Variants in PRG4 observed in about 807,000 individuals in gnomAD.
PRG4 encodes the protein articular superficial zone protein.
In PRG4, 61 loss-of-function variants were observed where a neutral mutation model predicts 91.2. The observed-to-expected ratio is 0.67, with a 90% CI of 0.54 to 0.83. The LOEUF is 0.83. Among genes scored for constraint, PRG4 ranks in the 40% least tolerant of loss-of-function variants. The pLI is 0.00. For synonymous variants in PRG4, 576 were observed against 614.2 expected (o/e 0.94, Z 0.92); for missense variants, 1,564 against 1,714.2 (o/e 0.91, Z 1.55).
At chr1:186,300,288 C>T in intron 3 of PRG4, 75 bp downstream of exon 3, 13 of 1,593,644 alleles carry the variant, frequency 8.2e-6, no homozygotes, top group Non-Finnish European at 1.1e-5. Context: ...CACCCTCGTG[C>T]AGTGCTGTGA....
At position 186,306,560 on chromosome 1, in the gene PRG4, G is replaced by C. The variant is rs145565743; in HGVS notation, c.841G>C (p.Glu281Gln). 1.9e-6 allele frequency: 3 copies of C among 1,613,382 alleles called. No individual in the cohort carries two copies. Among genetic ancestry groups the C allele is most frequent in the African/African-American group, 1.3e-5 (1 of 74,964 alleles). The change falls in exon 7 of 13, where the codon GAG (glutamate) becomes CAG (glutamine). Residue 281 changes from glutamate (E) to glutamine (Q), a missense_variant. Physicochemically the swap from Glu to Gln is conservative, Grantham distance 29. Transcript: ENST00000445192. ...SKETSLTVNK[E>Q]TTVETKETTT... is the part of the protein sequence containing the mutation. The stretch of plus-strand genomic sequence containing the variant: ...AGAGACGTCTTTGACAGTGAATAAA[G>C]AGACAACAGTTGAAACTAAAGAAAC...
chr1:186,305,704 G>A (rs950000838), intron 6 of PRG4, among the ~76,000 whole-genome samples: 3 of 152,166 alleles, frequency 2.0e-5, no homozygotes, highest in East Asian at 1.9e-4. Flanking sequence ...CCACATGTGG[G>A]GCAGCTGCTA....
intron 12 of PRG4, 33 bp downstream of exon 12, chr1:186,312,927 T>C (rs1329014656): frequency 6.3e-7 from 1 of 1,589,254 alleles, no homozygotes; most frequent in Admixed American, 1.7e-5. Context: ...CCCAAGGAGG[T>C]GATATCATTT....
In PRG4 at chr1:186,313,907, G is replaced by C; in HGVS notation, c.*129G>C. On this transcript the variant is annotated 3_prime_UTR_variant, in exon 13 of 13. Coordinates refer to ENST00000445192, the MANE Select transcript of PRG4 (RefSeq NM_005807.6). ...TATATATAAAAATGTTTTTAAACTTGACAATCATTACACTAAAACAGATTT... is the reference window on the plus strand; with the variant it reads ...TATATATAAAAATGTTTTTAAACTTCACAATCATTACACTAAAACAGATTT... 1 of 1,562,376 alleles carries C rather than the reference G, an allele frequency of 6.4e-7. No homozygotes were observed. Among genetic ancestry groups the C allele is most frequent in the South Asian group, 1.1e-5 (1 of 89,590 alleles).
chr1:186,303,988 T>C, intron 4 of PRG4, 120 bp from the exon 5 acceptor site: 1 of 1,039,964 alleles, frequency 9.6e-7, no homozygotes, highest in Non-Finnish European at 1.5e-6. Context: ...AGCTGGAGCC[T>C]GCCTGCACTG....
In PRG4 at chr1:186,308,294, A is replaced by C. The variant is rs1656894800; in HGVS notation, c.2575A>C (p.Thr859Pro). Residue 859 changes from threonine (T) to proline (P), a missense_variant, in exon 7 of 13, where the codon ACT (threonine) becomes CCT (proline). By Grantham distance (38) the Thr-to-Pro change is conservative. Around this residue, in one of 3 missense-constraint regions of PRG4, gnomAD observed 1,079 missense variants for 1,162.2 expected, o/e 0.93. Transcript: ENST00000445192. ...TPPPTTSEVSTPTTTKEPTTI... is the reference protein window; with the variant it reads ...TPPPTTSEVSPPTTTKEPTTI... ...TCCTCCAACCACTTCAGAGGTCTCT[A>C]CTCCAACTACCACCAAGGAGCCTAC... 2 of 1,613,518 alleles carry C rather than the reference A, an allele frequency of 1.2e-6. No homozygotes were observed. The highest frequency in any genetic ancestry group is 1.7e-6 in the Non-Finnish European group (2 of 1,179,884).
chr1:186,301,166 A>G (rs1462077942), intron 3 of PRG4, among the ~76,000 whole-genome samples: 1 of 152,178 alleles, frequency 6.6e-6, no homozygotes, highest in Non-Finnish European at 1.5e-5. Flanking sequence ...ATATATATAC[A>G]TATATATTTA....
At chr1:186,298,713 C>G (rs1656010589) in intron 2 of PRG4, among the ~76,000 whole-genome samples, 1 of 152,010 alleles carries the variant, frequency 6.6e-6, no homozygotes, top group Admixed American at 6.5e-5. Context: ...CTGGTCTCAC[C>G]TGACCTCAGG....
In PRG4 at chr1:186,306,600, A is replaced by G; in HGVS notation, c.881A>G (p.Lys294Arg). 3 of 1,613,448 alleles carry G rather than the reference A, an allele frequency of 1.9e-6. 1 individual carries two copies. In the South Asian group the frequency reaches 3.3e-5, roughly 18 times the overall value. The stretch of plus-strand genomic sequence containing the variant: ...ACTAAAGAAACTACTACAACAAATA[A>G]ACAGACTTCAACTGATGGAAAAGAG... ...VETKETTTTN[K>R]QTSTDGKEKT... Residue 294 changes from lysine (K) to arginine (R), a missense_variant, in exon 7 of 13, where the codon AAA (lysine) becomes AGA (arginine). Around this residue, in one of 3 missense-constraint regions of PRG4, gnomAD observed 437 missense variants for 459.0 expected, o/e 0.95. Transcript: ENST00000445192.
At chr1:186,312,520 G>A in intron 11 of PRG4, 148 bp downstream of exon 11, 1 of 869,010 alleles carries the variant, frequency 1.2e-6, no homozygotes, top group Non-Finnish European at 1.7e-6. Flanking sequence ...ACTTGCCTTA[G>A]TGAATAACCA....
chr1:186,298,101 C>T (rs560942418), intron 2 of PRG4, among the ~76,000 whole-genome samples: 59 of 152,228 alleles, frequency 3.9e-4, no homozygotes, highest in African/African-American at 1.4e-3. Flanking sequence ...ATTAATGGGG[C>T]TGGGTGTGGT....
At position 186,306,334 on chromosome 1, in the gene PRG4, G is replaced by C; in HGVS notation, c.615G>C (p.Lys205Asn). The change falls in exon 7 of 13, where the codon AAG becomes AAC. Residue 205 changes from lysine (K) to asparagine (N), a missense_variant. By Grantham distance (94) the Lys-to-Asn change is moderately conservative. Transcript: ENST00000445192. ...QKKLKVKDNK[K>N]NRTKKKPTPK... ...TTTCTCCAGTAAAAGATAACAAGAA[G>C]AACAGAACTAAAAAGAAACCTACCC... 6.3e-7 allele frequency: 1 copy of C among 1,594,076 alleles called. No homozygotes were observed. Among genetic ancestry groups the C allele is most frequent in the East Asian group, 2.2e-5 (1 of 44,788 alleles).
Position 186,309,769 on chromosome 1 carries a change from TTTTG to T in PRG4, c.3422-20_3422-17del. On this transcript the variant is annotated intron_variant, in intron 7 of 12. Transcript: ENST00000445192. ...CTTTTCTCATTCTGTTCTATATTTGTTTTGTTTTTGTTAATTTGTTTAGATGAGA... is the reference window on the plus strand; with the variant it reads ...CTTTTCTCATTCTGTTCTATATTTGTTTTTTGTTAATTTGTTTAGATGAGA... The T allele has an allele frequency of 1.3e-6, 2 of 1,535,118 alleles. No homozygotes were observed. The highest frequency in any genetic ancestry group is 1.8e-6 in the Non-Finnish European group (2 of 1,108,222).
chr1:186,306,576 C>T lies in PRG4; in HGVS notation c.857C>T (p.Thr286Ile). The T allele has an allele frequency of 1.9e-6, 3 of 1,613,350 alleles. No homozygotes were observed. The highest frequency in any genetic ancestry group is 1.7e-6 in the Non-Finnish European group (2 of 1,179,578). The change falls in exon 7 of 13, where the codon ACT becomes ATT. Residue 286 changes from threonine to isoleucine, a missense_variant. Coordinates refer to ENST00000445192, the MANE Select transcript of PRG4 (RefSeq NM_005807.6). ...GTGAATAAAGAGACAACAGTTGAAA[C>T]TAAAGAAACTACTACAACAAATAAA... ...LTVNKETTVE[T>I]KETTTTNKQT...
chr1:186,301,957 G>A (rs1656251161), intron 4 of PRG4, among the ~76,000 whole-genome samples: 1 of 152,174 alleles, frequency 6.6e-6, no homozygotes. Flanking sequence ...GAACATAGAG[G>A]ATGAGGCTGA....
chr1:186,310,089 G>A lies in PRG4; in HGVS notation c.3499+219G>A, dbSNP rs1413068461. ...ACCAAGACCCTGAACTGATACTACT[G>A]AGGTTTTTTCCTACTGTTAAGATTT... is the stretch of plus-strand genomic sequence containing the variant. On this transcript the variant is annotated intron_variant, in intron 8 of 12. Transcript: ENST00000445192. Among the ~76,000 whole-genome samples the A allele has an allele frequency of 2.4e-5, 3 of 122,886 alleles. No homozygotes were observed. The Admixed American group carries it at 2.9e-4, about 12-fold the overall frequency. The allele number at this position is 122,886 out of a possible 152,430, so 80.6% of individuals were successfully genotyped here.
chr1:186,297,034 T>A, intron 2 of PRG4, 83 bp downstream of exon 2: 2 of 1,223,626 alleles, frequency 1.6e-6, no homozygotes. Context: ...GGAAATATAT[T>A]TCTAAAAATT....
Position 186,301,713 on chromosome 1 carries a change from T to A in PRG4, c.319+2T>A, listed in dbSNP as rs1416175653. 6.2e-7 allele frequency: 1 copy of A among 1,613,640 alleles called. No individual in the cohort carries two copies. The highest frequency in any genetic ancestry group is 1.1e-5 in the South Asian group (1 of 91,072). ...ATTATGAGAGTTTCTGTGCAGAAGG[T>A]AAGCATCACAGTACCAACCAATGCT... On this transcript the variant is annotated splice_donor_variant, in intron 4 of 12. Transcript: ENST00000445192. LOFTEE classifies it high-confidence loss of function.
At chr1:186,312,640 C>T in intron 11 of PRG4, 129 bp from the exon 12 acceptor site, 2 of 987,204 alleles carry the variant, frequency 2.0e-6, no homozygotes, top group East Asian at 4.9e-5. Flanking sequence ...CATTATATAC[C>T]AGTCTATAAC....
Sources: gnomAD v4.1 joint callset for allele counts (sites outside exome capture counted in the v4.1 genomes callset) on GRCh38, gnomAD v4.1.1 for gene constraint, gnomAD v4.1.1 regional missense constraint, MANE v1.5 for transcripts, NCBI Gene and HGNC (gene_info 2026-07-23, HGNC 2026-07-21) for gene names.